Variants in ADAMTS2 observed in about 807,000 individuals in gnomAD.
ADAMTS2 encodes A disintegrin and metalloproteinase with thrombospondin motifs 2.
ADAMTS2 carries 50 observed loss-of-function variants against 123.0 expected under a neutral mutation model. The observed-to-expected ratio is 0.41, with a 90% confidence interval of 0.32 to 0.51. The LOEUF is 0.51. Among genes scored for constraint, ADAMTS2 ranks in the 20% least tolerant of loss-of-function variants. The probability of loss-of-function intolerance (pLI) is 0.35; values close to 1 mark genes in which losing one functional copy is unlikely to be tolerated. For synonymous variants in ADAMTS2, 678 were observed against 695.4 expected (o/e 0.98, Z 0.39); for missense variants, 1,494 against 1,705.2 (o/e 0.88, Z 2.18).
At chr5:179,252,612 G>A (rs1765955812) in intron 3 of ADAMTS2, among the ~76,000 whole-genome samples, 1 of 151,916 alleles carries the variant, frequency 6.6e-6, no homozygotes, top group Admixed American at 6.6e-5. Flanking sequence ...TCTCTCACAG[G>A]CATGATGGTC....
At position 179,332,081 on chromosome 5, in the gene ADAMTS2, G is replaced by T. The variant is rs1757498358; in HGVS notation, c.534+11686C>A. ...TTCTGTAATTTGCTATTAGGTTGGT[G>T]CAAAAGTAACTGTGACCTTGGAATC... On this transcript the variant is annotated intron_variant, in intron 2 of 21. Transcript: ENST00000251582. This position sits in a 1 kb window ranked among gnomAD's most constrained non-coding sequence, Gnocchi z 4.2. Among the ~76,000 whole-genome samples the T allele has an allele frequency of 6.6e-6, 1 of 152,352 alleles. No homozygotes were observed. The highest frequency in any genetic ancestry group is 2.1e-4 in the South Asian group (1 of 4,826).
intron 5 of ADAMTS2, among the ~76,000 whole-genome samples, chr5:179,161,031 C>T (rs1477027245): frequency 3.3e-5 from 5 of 152,152 alleles, no homozygotes; most frequent in East Asian, 3.8e-4. Context: ...GAACATACAG[C>T]GTGAGCAGGA....
intron 2 of ADAMTS2, among the ~76,000 whole-genome samples, chr5:179,282,322 T>C (rs1766937533): frequency 6.6e-6 from 1 of 152,240 alleles, no homozygotes; most frequent in South Asian, 2.1e-4. Context: ...TTGTGTATGG[T>C]GTGAGGAAGG....
chr5:179,251,146 T>C (rs1765913721), intron 3 of ADAMTS2, among the ~76,000 whole-genome samples: 1 of 152,310 alleles, frequency 6.6e-6, no homozygotes, highest in African/African-American at 2.4e-5. Flanking sequence ...CACTTTCTAA[T>C]TGTGCCATCT....
intron 1 of ADAMTS2, 85 bp from the exon 2 acceptor site, chr5:179,344,246 AC>A (rs1757872611): frequency 6.8e-7 from 1 of 1,479,284 alleles, no homozygotes. Flanking sequence ...GCCCCCCCAG[AC>A]CCCGCCCCAC....
At chr5:179,334,877 T>A (rs539996329) in intron 2 of ADAMTS2, among the ~76,000 whole-genome samples, 23 of 152,234 alleles carry the variant, frequency 1.5e-4, no homozygotes, top group Non-Finnish European at 3.2e-4. Context: ...ATGGATGACC[T>A]GTATAAAAAT....
At chr5:179,274,604 T>G (rs1451842021) in intron 2 of ADAMTS2, among the ~76,000 whole-genome samples, 1 of 152,186 alleles carries the variant, frequency 6.6e-6, no homozygotes, top group Non-Finnish European at 1.5e-5. Flanking sequence ...GGGGGCACGG[T>G]GGCGCACGGG....
chr5:179,334,594 C>A (rs1757563828), intron 2 of ADAMTS2, among the ~76,000 whole-genome samples: 1 of 152,184 alleles, frequency 6.6e-6, no homozygotes, highest in African/African-American at 2.4e-5. Flanking sequence ...CGTGTAGCCA[C>A]GGCTGTGACT....
chr5:179,166,114 G>C (rs916279482), intron 5 of ADAMTS2, among the ~76,000 whole-genome samples: 1 of 152,116 alleles, frequency 6.6e-6, no homozygotes, highest in Non-Finnish European at 1.5e-5. Flanking sequence ...CAGAGTGCAG[G>C]GTCCTCCTTG....
At chr5:179,205,939 T>TTTC (rs1764679736) in intron 4 of ADAMTS2, among the ~76,000 whole-genome samples, 1 of 151,892 alleles carries the variant, frequency 6.6e-6, no homozygotes, top group Non-Finnish European at 1.5e-5. Flanking sequence ...GCCCGGCTAA[T>TTTC]TTTTTGTATT....
chr5:179,281,793 C>T (rs930517538), intron 2 of ADAMTS2, among the ~76,000 whole-genome samples: 4 of 152,144 alleles, frequency 2.6e-5, no homozygotes, highest in African/African-American at 7.2e-5. Context: ...GTTCAATTTC[C>T]CCTCATCCCC....
chr5:179,156,425 T>C (rs1483177246), intron 6 of ADAMTS2, among the ~76,000 whole-genome samples: 2 of 149,820 alleles, frequency 1.3e-5, no homozygotes, highest in Non-Finnish European at 3.0e-5. Flanking sequence ...AGTGGTGTGA[T>C]CTCGGCTCAC....
At chr5:179,141,494 GT>G (rs1266799647) in intron 10 of ADAMTS2, among the ~76,000 whole-genome samples, 1 of 151,998 alleles carries the variant, frequency 6.6e-6, no homozygotes, top group Non-Finnish European at 1.5e-5. Flanking sequence ...ACGAAAATTA[GT>G]TTTTAAAAAG....
At chr5:179,230,691 C>CA (rs1429696501) in intron 3 of ADAMTS2, among the ~76,000 whole-genome samples, 1 of 152,208 alleles carries the variant, frequency 6.6e-6, no homozygotes, top group African/African-American at 2.4e-5. Flanking sequence ...CATGTACTGT[C>CA]AGGCACTCTT....
intron 9 of ADAMTS2, among the ~76,000 whole-genome samples, chr5:179,152,875 G>C (rs55863715): frequency 6.6e-6 from 1 of 152,110 alleles, no homozygotes; most frequent in Non-Finnish European, 1.5e-5. Flanking sequence ...CCACTTGCTC[G>C]CTTTGTGGGC....
intron 17 of ADAMTS2, among the ~76,000 whole-genome samples, chr5:179,127,337 C>T (rs997821427): frequency 1.1e-4 from 16 of 152,182 alleles, no homozygotes; most frequent in Non-Finnish European, 2.9e-5. Context: ...GACCCCACCT[C>T]TTGGTGAGCT....
chr5:179,232,246 A>G, intron 3 of ADAMTS2, among the ~76,000 whole-genome samples: 1 of 152,218 alleles, frequency 6.6e-6, no homozygotes, highest in East Asian at 1.9e-4. Context: ...ATGTTTTATC[A>G]AATCTCCGAC....
At chr5:179,195,177 C>G (rs996417303) in intron 4 of ADAMTS2, among the ~76,000 whole-genome samples, 2 of 152,208 alleles carry the variant, frequency 1.3e-5, no homozygotes, top group South Asian at 4.1e-4. Flanking sequence ...TGCAGGGATG[C>G]GGAGGCCAGG....
At chr5:179,246,020 G>T (rs1330586691) in intron 3 of ADAMTS2, among the ~76,000 whole-genome samples, 3 of 152,110 alleles carry the variant, frequency 2.0e-5, no homozygotes, top group African/African-American at 7.2e-5. Flanking sequence ...TGGAACTCCA[G>T]AATTTAACCA....
Sources: allele counts gnomAD v4.1 joint callset (sites outside exome capture counted in the v4.1 genomes callset), GRCh38; gene constraint gnomAD v4.1.1; non-coding constraint Gnocchi (gnomAD v3.1); transcripts MANE v1.5; gene names NCBI Gene and HGNC (gene_info 2026-07-23, HGNC 2026-07-21).